Variants in NPHP1 observed in about 807,000 individuals in gnomAD.
NPHP1 encodes the protein nephrocystin 1.
In NPHP1, 70 loss-of-function variants were observed where a neutral mutation model predicts 90.4. The observed-to-expected ratio is 0.77, with a 90% CI of 0.64 to 0.95. NPHP1 has a LOEUF of 0.95. NPHP1 is among the 40% of genes least tolerant of loss of function. NPHP1 has a pLI of 0.00. For synonymous variants in NPHP1, 256 were observed against 271.7 expected (o/e 0.94, Z 0.57); for missense variants, 764 against 795.9 (o/e 0.96, Z 0.48).
intron 1 of NPHP1, chr2:110,202,378 G>A: frequency 2.2e-6 from 1 of 446,970 alleles, no homozygotes; most frequent in South Asian, 1.6e-5. Flanking sequence ...CACACCTAGT[G>A]ATAGAGCCAG....
chr2:110,193,169 A>T (rs1684873933), intron 2 of NPHP1, among the ~76,000 whole-genome samples: 1 of 152,184 alleles, frequency 6.6e-6, no homozygotes, highest in Middle Eastern at 3.2e-3. Flanking sequence ...TTAACCTTAA[A>T]TGTAAATGGG....
At position 110,190,877 on chromosome 2, in the gene NPHP1, C is replaced by A. The variant is rs1379056377; in HGVS notation, c.143+10544G>T. Among the ~76,000 whole-genome samples, 12 of 152,046 alleles carry A rather than the reference C, an allele frequency of 7.9e-5. 1 individual carries two copies. Among genetic ancestry groups the A allele is most frequent in the Non-Finnish European group, 1.6e-4 (11 of 68,010 alleles). ...AGCAAATTTATAAGAAAAAAAAACC[C>A]CATTAAAAAGTGAGCAAAAGGACAT... is the stretch of plus-strand genomic sequence containing the variant. On this transcript the variant is annotated intron_variant, in intron 2 of 19. Coordinates refer to ENST00000445609, the MANE Select transcript of NPHP1 (RefSeq NM_001128178.3).
chr2:110,183,031 A>AT (rs1684017657), intron 2 of NPHP1, among the ~76,000 whole-genome samples: 1 of 151,782 alleles, frequency 6.6e-6, no homozygotes, highest in Admixed American at 6.6e-5. Flanking sequence ...GCCAATAAAG[A>AT]TAAAAAAAAG....
In NPHP1 at chr2:110,178,564, G is replaced by T; in HGVS notation, c.205-17C>A. 1 of 1,581,016 alleles carries T rather than the reference G, an allele frequency of 6.3e-7. No homozygotes were observed. Among genetic ancestry groups the T allele is most frequent in the Non-Finnish European group, 8.6e-7 (1 of 1,167,890 alleles). On this transcript the variant is annotated splice_polypyrimidine_tract_variant and intron_variant, in intron 3 of 19. Transcript: ENST00000445609. ...TTCATCAGCCTATGAGAGAATATAG[G>T]TCTATTTCACTAAAAAATTAATTTC...
intron 4 of NPHP1, among the ~76,000 whole-genome samples, chr2:110,171,214 C>T (rs1683107275): frequency 6.6e-6 from 1 of 152,126 alleles, no homozygotes; most frequent in Admixed American, 6.6e-5. Flanking sequence ...GTCACTAAAT[C>T]TTTCTGAATT....
chr2:110,143,508 C>T, intron 16 of NPHP1, 34 bp downstream of exon 16: 1 of 1,441,466 alleles, frequency 6.9e-7, no homozygotes, highest in Non-Finnish European at 9.8e-7. Context: ...TGAATGATCC[C>T]AAATTCACTG....
chr2:110,149,572 A>G (rs1303607112), intron 12 of NPHP1, among the ~76,000 whole-genome samples: 1 of 152,294 alleles, frequency 6.6e-6, no homozygotes, highest in East Asian at 1.9e-4. Context: ...TTTTGATGCA[A>G]TAAGAGGAAA....
At chr2:110,184,055 C>G in intron 2 of NPHP1, 1 of 508,226 alleles carries the variant, frequency 2.0e-6, no homozygotes, top group Non-Finnish European at 3.9e-6. Flanking sequence ...ATTCCTCTGC[C>G]GTGGAGTCTT....
chr2:110,148,527 C>A (rs1681235513), intron 12 of NPHP1, among the ~76,000 whole-genome samples: 2 of 152,102 alleles, frequency 1.3e-5, no homozygotes, highest in African/African-American at 4.8e-5. Flanking sequence ...TATGCCTTTG[C>A]ATTATAATAA....
chr2:110,150,320 G>C (rs1681371319), intron 11 of NPHP1, 64 bp from the exon 12 acceptor site: 1 of 1,461,008 alleles, frequency 6.8e-7, no homozygotes, highest in Non-Finnish European at 9.6e-7. Context: ...CCATTTCCAT[G>C]TCCCAAAGAG....
intron 2 of NPHP1, among the ~76,000 whole-genome samples, chr2:110,194,650 C>A (rs1252869061): frequency 1.3e-5 from 2 of 152,168 alleles, no homozygotes; most frequent in African/African-American, 4.8e-5. Flanking sequence ...CTCCCTAACT[C>A]ATTTTATGAT....
chr2:110,197,810 C>A (rs1408530940), intron 2 of NPHP1, among the ~76,000 whole-genome samples: 1 of 151,836 alleles, frequency 6.6e-6, no homozygotes, highest in African/African-American at 2.4e-5. Flanking sequence ...TGTTACTTGA[C>A]CAAAAAAATC....
intron 18 of NPHP1, 61 bp from the exon 19 acceptor site, chr2:110,125,742 T>C (rs932892118): frequency 3.7e-6 from 5 of 1,349,430 alleles, no homozygotes; most frequent in Non-Finnish European, 4.2e-6. Flanking sequence ...GCAACACTTA[T>C]GCAAATTTAC....
chr2:110,172,590 G>A (rs1357925629), intron 4 of NPHP1, among the ~76,000 whole-genome samples: 1 of 152,024 alleles, frequency 6.6e-6, no homozygotes. Flanking sequence ...AGACCAGCCT[G>A]AGCAATATAG....
chr2:110,135,560 T>C (rs887368664), intron 16 of NPHP1, among the ~76,000 whole-genome samples: 2 of 150,464 alleles, frequency 1.3e-5, no homozygotes, highest in African/African-American at 4.9e-5. Flanking sequence ...GAATGTATCA[T>C]GCACAAGATT....
chr2:110,177,883 C>T (rs1683614075), intron 4 of NPHP1, among the ~76,000 whole-genome samples: 1 of 152,034 alleles, frequency 6.6e-6, no homozygotes, highest in South Asian at 2.1e-4. Flanking sequence ...GCTGGGACTA[C>T]AGGTACGTGC....
intron 2 of NPHP1, among the ~76,000 whole-genome samples, chr2:110,194,427 G>A (rs182916832): frequency 0.017 from 2,575 of 152,112 alleles, 43 homozygotes; most frequent in South Asian, 0.056. Flanking sequence ...TAAATTCCTC[G>A]ACAAATACAC....
intron 1 of NPHP1, among the ~76,000 whole-genome samples, chr2:110,203,108 C>A (rs568213212): frequency 2.0e-5 from 3 of 152,206 alleles, no homozygotes; most frequent in East Asian, 3.9e-4. Flanking sequence ...AGAATGAAAT[C>A]ATGTCCTTTG....
intron 11 of NPHP1, among the ~76,000 whole-genome samples, chr2:110,156,536 A>C (rs1681903008): frequency 1.3e-5 from 2 of 152,120 alleles, no homozygotes; most frequent in African/African-American, 4.8e-5. Context: ...AGAGAAAACA[A>C]AGAGAAAAAA....
Sources: gnomAD v4.1 joint callset for allele counts (sites outside exome capture counted in the v4.1 genomes callset) on GRCh38, gnomAD v4.1.1 for gene constraint, MANE v1.5 for transcripts, NCBI Gene and HGNC (gene_info 2026-07-23, HGNC 2026-07-21) for gene names.